Variants in EXOC6 observed in about 807,000 individuals in gnomAD.
The protein encoded by EXOC6 is exocyst complex component 6, also known as SEC15-like 1.
EXOC6 carries 60 observed loss-of-function variants against 112.5 expected under a neutral mutation model. That is an observed-to-expected ratio of 0.53 (90% CI 0.43 to 0.66). The LOEUF (loss-of-function observed/expected upper bound fraction) is 0.66, where lower values mean the gene tolerates loss of function less well. Among genes scored for constraint, EXOC6 ranks in the 30% least tolerant of loss-of-function variants. The pLI is 0.00. For synonymous variants in EXOC6, 295 were observed against 308.0 expected (o/e 0.96, Z 0.44); for missense variants, 855 against 957.1 (o/e 0.89, Z 1.41).
intron 18 of EXOC6, among the ~76,000 whole-genome samples, chr10:92,990,483 G>A (rs1278843634): frequency 2.0e-5 from 3 of 152,176 alleles, no homozygotes; most frequent in Non-Finnish European, 4.4e-5. Context: ...GTTTTAGTAG[G>A]AAGCCAGTGG....
intron 20 of EXOC6, among the ~76,000 whole-genome samples, chr10:93,048,609 T>C (rs1348299804): frequency 6.6e-6 from 1 of 151,832 alleles, no homozygotes; most frequent in Non-Finnish European, 1.5e-5. Context: ...TAAAAAAAAT[T>C]AGCTGGGGTG....
chr10:92,869,602 G>A (rs913661621), intron 1 of EXOC6, among the ~76,000 whole-genome samples: 2 of 152,146 alleles, frequency 1.3e-5, no homozygotes, highest in Non-Finnish European at 2.9e-5. Context: ...GAGCCACCGT[G>A]CCTAGACAGG....
intron 1 of EXOC6, among the ~76,000 whole-genome samples, chr10:92,883,439 T>C (rs1196025360): frequency 6.6e-6 from 1 of 152,180 alleles, no homozygotes; most frequent in African/African-American, 2.4e-5. Flanking sequence ...AAAAATATAG[T>C]TTATAGTTAG....
intron 12 of EXOC6, among the ~76,000 whole-genome samples, 183 bp from the exon 13 acceptor site, chr10:92,940,544 A>G (rs2133972664): frequency 6.6e-6 from 1 of 152,200 alleles, no homozygotes; most frequent in Admixed American, 6.5e-5. Context: ...CTCTTTCTGA[A>G]CCTCTTTTTT....
At chr10:92,965,601 A>T (rs1271175096) in intron 17 of EXOC6, among the ~76,000 whole-genome samples, 1 of 152,182 alleles carries the variant, frequency 6.6e-6, no homozygotes, top group Non-Finnish European at 1.5e-5. Context: ...AGTTCTAACT[A>T]ATTTCCTTAG....
intron 1 of EXOC6, among the ~76,000 whole-genome samples, chr10:92,856,003 T>C (rs933597418): frequency 4.6e-5 from 7 of 152,268 alleles, no homozygotes; most frequent in African/African-American, 1.7e-4. Context: ...TAGCTGGGAT[T>C]ACAGGCACAT....
At chr10:92,939,358 A>T (rs1852529056) in intron 12 of EXOC6, among the ~76,000 whole-genome samples, 2 of 152,016 alleles carry the variant, frequency 1.3e-5, no homozygotes, top group Non-Finnish European at 2.9e-5. Context: ...GGAGAATGAT[A>T]GATTTGATTT....
At chr10:92,988,605 A>G (rs958865100) in intron 18 of EXOC6, among the ~76,000 whole-genome samples, 1 of 152,166 alleles carries the variant, frequency 6.6e-6, no homozygotes, top group Non-Finnish European at 1.5e-5. Context: ...TTGATTATCT[A>G]TTGAATTAAG....
intron 20 of EXOC6, among the ~76,000 whole-genome samples, chr10:93,036,583 C>T (rs1198070308): frequency 3.9e-5 from 6 of 152,024 alleles, no homozygotes; most frequent in Admixed American, 2.0e-4. Context: ...ACATATATAT[C>T]GAGCACTTGT....
intron 4 of EXOC6, among the ~76,000 whole-genome samples, chr10:92,898,891 C>T (rs1564812172): frequency 6.6e-6 from 1 of 152,112 alleles, no homozygotes; most frequent in Non-Finnish European, 1.5e-5. Flanking sequence ...AGTGTGTACT[C>T]ATTCTGTACT....
intron 4 of EXOC6, 118 bp downstream of exon 4, chr10:92,895,138 A>G: frequency 1.5e-6 from 1 of 680,636 alleles, no homozygotes; most frequent in African/African-American, 1.8e-5. Flanking sequence ...CCTCACAACA[A>G]AGACCATGCT....
intron 1 of EXOC6, among the ~76,000 whole-genome samples, chr10:92,877,063 G>A (rs760727899): frequency 5.3e-5 from 8 of 152,192 alleles, no homozygotes; most frequent in African/African-American, 1.9e-4. Context: ...ATCCCTGAAC[G>A]GGAAGGCAGG....
At chr10:92,839,170 C>T (rs921267068) in intron 1 of EXOC6, among the ~76,000 whole-genome samples, 1 of 152,008 alleles carries the variant, frequency 6.6e-6, no homozygotes, top group Admixed American at 6.6e-5. Flanking sequence ...TCTTTTTGCC[C>T]TGGGCATCAT....
intron 1 of EXOC6, among the ~76,000 whole-genome samples, chr10:92,842,882 A>G (rs1315168028): frequency 6.6e-6 from 1 of 152,050 alleles, no homozygotes; most frequent in Non-Finnish European, 1.5e-5. Context: ...GCAAAATGAA[A>G]ATGTAGATTC....
At chr10:93,014,953 T>C (rs1306457715) in intron 20 of EXOC6, among the ~76,000 whole-genome samples, 2 of 152,186 alleles carry the variant, frequency 1.3e-5, no homozygotes, top group African/African-American at 4.8e-5. Flanking sequence ...CTTTTTGTTT[T>C]TTTTTAATTC....
upstream of EXOC6, chr10:92,848,508 C>G (rs1847151566): frequency 7.5e-7 from 1 of 1,333,618 alleles, no homozygotes; most frequent in African/African-American, 1.6e-5. Flanking sequence ...CGCCGCGCCT[C>G]GCTGGCTCCT....
intron 1 of EXOC6, among the ~76,000 whole-genome samples, chr10:92,869,289 A>G (rs1323960226): frequency 6.6e-6 from 1 of 150,834 alleles, no homozygotes; most frequent in African/African-American, 2.5e-5. Context: ...GGCATGAGCC[A>G]CCATGGCAGG....
intron 5 of EXOC6, chr10:92,900,652 G>T (rs7915463): frequency 1.4e-5 from 2 of 146,926 alleles, no homozygotes; most frequent in Non-Finnish European, 1.5e-5. Context: ...TTTCCTACGC[G>T]TTTGCTGCCA....
At chr10:92,883,032 C>G (rs1186462331) in intron 1 of EXOC6, among the ~76,000 whole-genome samples, 1 of 152,224 alleles carries the variant, frequency 6.6e-6, no homozygotes, top group African/African-American at 2.4e-5. Context: ...CGTTCTGCAT[C>G]TCAGAAAGCT....
Sources: allele counts gnomAD v4.1 joint callset (sites outside exome capture counted in the v4.1 genomes callset), GRCh38; gene constraint gnomAD v4.1.1; transcripts MANE v1.5; gene names NCBI Gene and HGNC (gene_info 2026-07-23, HGNC 2026-07-21).